Variants in TBC1D32 observed in about 807,000 individuals in gnomAD.
TBC1D32 encodes the protein protein broad-minded.
TBC1D32 carries 151 observed loss-of-function variants against 170.3 expected under a neutral mutation model. The ratio of observed to expected loss-of-function variants is 0.89; its 90% CI spans 0.78 to 1.01. The LOEUF is 1.01. Among genes scored for constraint, TBC1D32 ranks in the 50% least tolerant of loss-of-function variants. The pLI is 0.00. For missense variants in TBC1D32, 1,464 were observed against 1,457.1 expected, an observed-to-expected ratio of 1.00 and a Z score of -0.08; for synonymous variants, 498 against 488.0, an observed-to-expected ratio of 1.02 and a Z score of -0.27.
intron 15 of TBC1D32, among the ~76,000 whole-genome samples, chr6:121,277,211 G>A (rs2128438815): frequency 6.6e-6 from 1 of 152,210 alleles, no homozygotes; most frequent in South Asian, 2.1e-4. Context: ...CACAAGGGTT[G>A]GGAGCAGTGG....
chr6:121,239,615 T>C (rs979074860), intron 19 of TBC1D32, among the ~76,000 whole-genome samples: 1 of 152,132 alleles, frequency 6.6e-6, no homozygotes, highest in African/African-American at 2.4e-5. Flanking sequence ...GGAGGCCAGG[T>C]AGGCATCCAA....
intron 31 of TBC1D32, among the ~76,000 whole-genome samples, chr6:121,087,567 T>C (rs1308771729): frequency 1.3e-5 from 2 of 152,210 alleles, no homozygotes; most frequent in Admixed American, 6.5e-5. Flanking sequence ...AAAAGAATTG[T>C]GTATCTTCAC....
At chr6:121,267,478 C>A (rs960086095) in intron 15 of TBC1D32, among the ~76,000 whole-genome samples, 12 of 152,332 alleles carry the variant, frequency 7.9e-5, no homozygotes, top group East Asian at 1.9e-4. Flanking sequence ...TATCCTGCAC[C>A]TGGCTTGGAG....
intron 4 of TBC1D32, among the ~76,000 whole-genome samples, chr6:121,308,686 C>CTTTTTTTTTTTTTTTTTTTTTTTTTTTTT (rs67847088): frequency 8.9e-6 from 1 of 112,572 alleles, no homozygotes; most frequent in African/African-American, 3.9e-5. Context: ...AAGCTTACTT[C>CTTTTTTTTTTTTTTTTTTTTTTTTTTTTT]TTTTTTTTTT....
intron 3 of TBC1D32, among the ~76,000 whole-genome samples, chr6:121,315,735 T>C (rs1808840590): frequency 1.3e-5 from 2 of 152,206 alleles, no homozygotes; most frequent in South Asian, 4.1e-4. Flanking sequence ...AATATATTTT[T>C]AGAGATCTTT....
chr6:121,244,977 C>T (rs1474280035), intron 17 of TBC1D32, among the ~76,000 whole-genome samples: 1 of 152,216 alleles, frequency 6.6e-6, no homozygotes, highest in East Asian at 1.9e-4. Context: ...ACTCCTCTTG[C>T]AAGTGCCACT....
intron 1 of TBC1D32, among the ~76,000 whole-genome samples, chr6:121,329,876 T>C (rs2128515103): frequency 6.6e-6 from 1 of 152,126 alleles, no homozygotes; most frequent in East Asian, 1.9e-4. Context: ...GGCCATATAA[T>C]AGAAAGAACA....
chr6:121,224,029 T>A (rs914367944), intron 20 of TBC1D32, among the ~76,000 whole-genome samples: 1 of 152,130 alleles, frequency 6.6e-6, no homozygotes, highest in Admixed American at 6.6e-5. Flanking sequence ...AAATCTAAAC[T>A]CCTTAGCATG....
intron 15 of TBC1D32, among the ~76,000 whole-genome samples, chr6:121,274,939 G>T (rs183394623): frequency 6.6e-6 from 1 of 152,158 alleles, no homozygotes; most frequent in African/African-American, 2.4e-5. Context: ...TGCAGTGACA[G>T]CTAAGTACAT....
chr6:121,287,258 A>T (rs1377006226), intron 12 of TBC1D32, among the ~76,000 whole-genome samples: 1 of 152,118 alleles, frequency 6.6e-6, no homozygotes, highest in Non-Finnish European at 1.5e-5. Flanking sequence ...CAAGAAACCC[A>T]CCTAACGTAC....
At chr6:121,311,017 A>G in intron 3 of TBC1D32, among the ~76,000 whole-genome samples, 170 bp from the exon 4 acceptor site, 1 of 152,210 alleles carries the variant, frequency 6.6e-6, no homozygotes, top group East Asian at 1.9e-4. Flanking sequence ...AGGCTTTTAA[A>G]TGGGAACTGA....
At chr6:121,297,506 C>A (rs961978202) in intron 10 of TBC1D32, among the ~76,000 whole-genome samples, 47 of 151,968 alleles carry the variant, frequency 3.1e-4, no homozygotes, top group African/African-American at 1.1e-3. Flanking sequence ...TTGACTGAAT[C>A]AAGATTCAAA....
chr6:121,296,514 T>C lies in TBC1D32; in HGVS notation c.1141-1854A>G, dbSNP rs140530209. ...AATGTTTGCCTCCTACTGTGTTACT[T>C]ATCTCAATGAATGACATTAGTCAAT... On this transcript the variant is annotated intron_variant, in intron 10 of 31. Transcript: ENST00000398212. 2.9e-3 allele frequency among the ~76,000 whole-genome samples: 438 copies of C among 152,270 alleles called. 1 individual carries two copies. The highest frequency in any genetic ancestry group is 9.7e-3 in the African/African-American group (404 of 41,572).
intron 17 of TBC1D32, among the ~76,000 whole-genome samples, chr6:121,244,428 G>A (rs919655975): frequency 2.0e-5 from 3 of 152,176 alleles, no homozygotes; most frequent in Non-Finnish European, 4.4e-5. Flanking sequence ...ACCAGGGCAG[G>A]TGGAGAAATA....
At chr6:121,146,422 G>C in intron 24 of TBC1D32, among the ~76,000 whole-genome samples, 1 of 152,220 alleles carries the variant, frequency 6.6e-6, no homozygotes, top group Middle Eastern at 3.2e-3. Context: ...CACCGATGTA[G>C]TTAAGTGAGT....
chr6:121,083,859 A>T (rs1775911391), intron 31 of TBC1D32, among the ~76,000 whole-genome samples: 1 of 152,056 alleles, frequency 6.6e-6, no homozygotes, highest in Non-Finnish European at 1.5e-5. Flanking sequence ...AATATTCTGA[A>T]ATCTGAACTT....
intron 22 of TBC1D32, among the ~76,000 whole-genome samples, chr6:121,192,753 T>A (rs986049557): frequency 6.6e-6 from 1 of 152,120 alleles, no homozygotes; most frequent in Non-Finnish European, 1.5e-5. Flanking sequence ...TAAACTCAGA[T>A]GAAACTTTTT....
rs777414033 is a variant in TBC1D32, at chr6:121,321,706, G to A, written c.244C>T (p.Arg82Trp). 8.4e-5 allele frequency: 135 copies of A among 1,613,806 alleles called. No individual in the cohort carries two copies. The highest frequency in any genetic ancestry group is 9.8e-5 in the Non-Finnish European group (116 of 1,179,930). Reference sequence around the variant, plus strand: ...TAGCCGCATTCTTCACCCTGATTCCGATCAGATGTGCATTTTTCCATTTCT... The same window carrying A: ...TAGCCGCATTCTTCACCCTGATTCCAATCAGATGTGCATTTTTCCATTTCT... ...EEEMEKCTSD[R>W]NQGEECGYDT... The change falls in exon 2 of 32, where the codon CGG becomes TGG. Residue 82 changes from arginine (R) to tryptophan (W), a missense_variant. This residue lies in a region of TBC1D32 where 1,363 missense variants were observed against 1,338.1 expected (regional missense o/e 1.02). Coordinates refer to ENST00000398212, the MANE Select transcript of TBC1D32 (RefSeq NM_152730.6).
rs116782790 is a variant in TBC1D32 at position 121,253,740 on chromosome 6, A to G, written c.2018+1588T>C. 8.8e-3 allele frequency among the ~76,000 whole-genome samples: 1,345 copies of G among 152,100 alleles called. 24 individuals are homozygous for G. Among genetic ancestry groups the G allele is most frequent in the African/African-American group, 0.031 (1,272 of 41,488 alleles). On this transcript the variant is annotated intron_variant, in intron 17 of 31. Coordinates refer to ENST00000398212, the MANE Select transcript of TBC1D32 (RefSeq NM_152730.6). ...TCTCAAAAAAAAAAGTCAAAAAAAC[A>G]ATAGATGTTGGTATGCATGTGGTGG...
Sources: gnomAD v4.1 joint callset for allele counts (sites outside exome capture counted in the v4.1 genomes callset) on GRCh38, gnomAD v4.1.1 for gene constraint, gnomAD v4.1.1 regional missense constraint, MANE v1.5 for transcripts, NCBI Gene and HGNC (gene_info 2026-07-23, HGNC 2026-07-21) for gene names.